MACROD2: variants seen among roughly 807,000 people sequenced by gnomAD.
MACROD2 encodes ADP-ribose glycohydrolase MACROD2.
MACROD2 carries 36 observed loss-of-function variants against 70.4 expected under a neutral mutation model. That is an observed-to-expected ratio of 0.51 (90% CI 0.39 to 0.68). The LOEUF (loss-of-function observed/expected upper bound fraction) is 0.68, where lower values mean the gene tolerates loss of function less well. MACROD2 is among the 30% of genes least tolerant of loss of function. The pLI is 0.00. For synonymous variants in MACROD2, 172 were observed against 178.8 expected, an observed-to-expected ratio of 0.96 and a Z score of 0.30; for missense variants, 496 against 538.4, an observed-to-expected ratio of 0.92 and a Z score of 0.78.
At chr20:15,590,954 A>G (rs1405099206) in intron 8 of MACROD2, among the ~76,000 whole-genome samples, 1 of 130,222 alleles carries the variant, frequency 7.7e-6, no homozygotes, top group East Asian at 2.2e-4. Flanking sequence ...AGAAAGAAAG[A>G]AAGAAAAAGA....
chr20:16,028,890 A>G (rs1171657895), intron 15 of MACROD2, among the ~76,000 whole-genome samples: 4 of 152,236 alleles, frequency 2.6e-5, no homozygotes, highest in Non-Finnish European at 5.9e-5. Flanking sequence ...TTTGTCCTAA[A>G]GAAGCATGGA....
intron 3 of MACROD2, among the ~76,000 whole-genome samples, chr20:14,358,986 A>C (rs1270492888): frequency 1.1e-4 from 17 of 152,122 alleles, no homozygotes; most frequent in Non-Finnish European, 1.5e-5. Context: ...CAGGAGTTCA[A>C]GACCAGCTTG....
chr20:15,555,828 C>CAAAAAAAAAAA (rs397838341), intron 8 of MACROD2, among the ~76,000 whole-genome samples: 40 of 18,492 alleles, frequency 2.2e-3, no homozygotes, highest in Non-Finnish European at 3.0e-3. Context: ...GACTCCATCT[C>CAAAAAAAAAAA]AAAAAAAAAA....
chr20:16,021,024 C>T (rs1435116086), intron 15 of MACROD2, among the ~76,000 whole-genome samples: 1 of 152,140 alleles, frequency 6.6e-6, no homozygotes, highest in African/African-American at 2.4e-5. Context: ...CAGTAGCTTA[C>T]TCATCCACCA....
At chr20:15,125,801 C>G (rs2076061991) in intron 5 of MACROD2, among the ~76,000 whole-genome samples, 1 of 151,794 alleles carries the variant, frequency 6.6e-6, no homozygotes, top group African/African-American at 2.4e-5. Context: ...CCAGAACTTG[C>G]ATCATTCTCC....
At chr20:15,871,835 C>T (rs2064588915) in intron 9 of MACROD2, among the ~76,000 whole-genome samples, 1 of 152,132 alleles carries the variant, frequency 6.6e-6, no homozygotes. Flanking sequence ...ATGTATTATG[C>T]AATTGAGCCT....
chr20:14,225,373 TTCATC>T (rs2081722814), intron 3 of MACROD2, among the ~76,000 whole-genome samples: 1 of 152,242 alleles, frequency 6.6e-6, no homozygotes, highest in South Asian at 2.1e-4. Flanking sequence ...TAAAATCTGA[TTCATC>T]TAATAGCTTT....
intron 6 of MACROD2, among the ~76,000 whole-genome samples, chr20:15,310,085 A>C (rs1376843796): frequency 6.6e-6 from 1 of 152,226 alleles, no homozygotes; most frequent in Non-Finnish European, 1.5e-5. Context: ...TAGTCTTTCT[A>C]ACCCTGTATT....
In MACROD2 at chr20:15,709,174, C is replaced by T. The variant is rs558273985; in HGVS notation, c.646-153571C>T. ...CACCTAGGGAGGCTGGCTTTCCATG[C>T]AGAGGAGGAACCACCAGGGGGCGGT... On this transcript the variant is annotated intron_variant, in intron 8 of 17. Coordinates refer to ENST00000684519, the MANE Select transcript of MACROD2 (RefSeq NM_001351661.2). Among the ~76,000 whole-genome samples, 25 of 152,214 alleles carry T rather than the reference C, an allele frequency of 1.6e-4. No homozygotes were observed. The South Asian group carries it at 4.8e-3, about 29-fold the overall frequency.
chr20:16,001,538 C>A (rs1568699167), intron 15 of MACROD2, among the ~76,000 whole-genome samples: 1 of 152,136 alleles, frequency 6.6e-6, no homozygotes, highest in Non-Finnish European at 1.5e-5. Context: ...ACATTTTTTA[C>A]ATAGAAGCAC....
intron 5 of MACROD2, among the ~76,000 whole-genome samples, chr20:14,852,358 AAG>A (rs1198618360): frequency 6.6e-6 from 1 of 152,136 alleles, no homozygotes; most frequent in African/African-American, 2.4e-5. Flanking sequence ...TGACTATAGA[AAG>A]AATAGTTTTA....
chr20:15,275,748 C>A (rs942631833), intron 6 of MACROD2, among the ~76,000 whole-genome samples: 1 of 152,140 alleles, frequency 6.6e-6, no homozygotes, highest in African/African-American at 2.4e-5. Flanking sequence ...ATATCTGGCA[C>A]AGGTGACTTG....
intron 3 of MACROD2, among the ~76,000 whole-genome samples, chr20:14,250,789 CT>C (rs2082006252): frequency 6.6e-6 from 1 of 151,856 alleles, no homozygotes; most frequent in Admixed American, 6.6e-5. Context: ...TAATGTCAAC[CT>C]TTTTGCCAAA....
intron 3 of MACROD2, among the ~76,000 whole-genome samples, chr20:14,360,595 A>G (rs1012233113): frequency 1.3e-5 from 2 of 152,164 alleles, no homozygotes; most frequent in African/African-American, 2.4e-5. Context: ...TCTCCTGAGG[A>G]TATTAACAGC....
chr20:15,928,303 T>A (rs950786683), intron 10 of MACROD2, among the ~76,000 whole-genome samples: 7 of 152,220 alleles, frequency 4.6e-5, no homozygotes, highest in African/African-American at 1.7e-4. Context: ...AAAATACCTT[T>A]AGCAATAAAC....
chr20:14,388,130 C>T (rs6110267), intron 3 of MACROD2, among the ~76,000 whole-genome samples: 1 of 151,876 alleles, frequency 6.6e-6, no homozygotes. Flanking sequence ...ATGCCTCAGC[C>T]TCCTGAGTAG....
chr20:14,120,513 C>T (rs2054573726), intron 3 of MACROD2, among the ~76,000 whole-genome samples: 1 of 151,802 alleles, frequency 6.6e-6, no homozygotes, highest in African/African-American at 2.4e-5. Flanking sequence ...CCAGCAATCC[C>T]ATTACTAGGT....
chr20:14,428,151 T>C (rs1428101256), intron 3 of MACROD2, among the ~76,000 whole-genome samples: 1 of 152,110 alleles, frequency 6.6e-6, no homozygotes, highest in Non-Finnish European at 1.5e-5. Context: ...CAATTTTTAA[T>C]GAATTGAAAT....
intron 8 of MACROD2, among the ~76,000 whole-genome samples, chr20:15,772,463 G>A (rs760991996): frequency 6.6e-6 from 1 of 152,056 alleles, no homozygotes; most frequent in Non-Finnish European, 1.5e-5. Context: ...TGGCAAGGAA[G>A]CTAAGTAATC....
Sources: allele counts gnomAD v4.1 joint callset (sites outside exome capture counted in the v4.1 genomes callset), GRCh38; gene constraint gnomAD v4.1.1; transcripts MANE v1.5; gene names NCBI Gene and HGNC (gene_info 2026-07-23, HGNC 2026-07-21).